The following NCK2 variants were observed in gnomAD, a reference collection of about 807,000 sequenced individuals.
The protein encoded by NCK2 is NCK adaptor protein 2.
A neutral mutation model predicts 33.9 loss-of-function variants in NCK2; 16 were observed. The observed-to-expected ratio is 0.47, with a 90% CI of 0.32 to 0.72. The LOEUF is 0.72. NCK2 is among the 30% of genes least tolerant of loss of function. The probability of loss-of-function intolerance (pLI) is 0.03; values close to 1 mark genes in which losing one functional copy is unlikely to be tolerated. For missense variants in NCK2, 418 were observed against 537.3 expected, an observed-to-expected ratio of 0.78 and a Z score of 2.19; for synonymous variants, 273 against 239.9, an observed-to-expected ratio of 1.14 and a Z score of -1.27.
At chr2:105,804,508 T>C (rs1241211874) in intron 1 of NCK2, among the ~76,000 whole-genome samples, 1 of 152,184 alleles carries the variant, frequency 6.6e-6, no homozygotes, top group Non-Finnish European at 1.5e-5. Context: ...AGCAGGAGGC[T>C]CTTTGGGGAT....
chr2:105,807,582 A>C (rs1675096799), intron 1 of NCK2, among the ~76,000 whole-genome samples: 1 of 152,076 alleles, frequency 6.6e-6, no homozygotes, highest in Admixed American at 6.5e-5. Context: ...GGTGACCATC[A>C]GTGACACCAG....
At chr2:105,852,166 G>A (rs907515065) in intron 2 of NCK2, among the ~76,000 whole-genome samples, 4 of 152,110 alleles carry the variant, frequency 2.6e-5, no homozygotes, top group Non-Finnish European at 5.9e-5. Context: ...ATTAAATAAG[G>A]CACTCAGTCT....
intron 1 of NCK2, among the ~76,000 whole-genome samples, chr2:105,751,224 G>C (rs13005191): frequency 0.25 from 37,681 of 152,024 alleles, 5,437 homozygotes; most frequent in Middle Eastern, 0.36. Flanking sequence ...CCCCATCACC[G>C]ACTCACTCGG....
At position 105,753,449 on chromosome 2, in the gene NCK2, C is replaced by G. The variant is rs897213105; in HGVS notation, c.-201+8311C>G. ...CAGCATTCCCTGGGGAGAACCGCTGCTGGAGGGAACTGCAGTGGCACTGGA... is the reference window on the plus strand; with the variant it reads ...CAGCATTCCCTGGGGAGAACCGCTGGTGGAGGGAACTGCAGTGGCACTGGA... On this transcript the variant is annotated intron_variant, in intron 1 of 4. Coordinates refer to ENST00000233154, the MANE Select transcript of NCK2 (RefSeq NM_003581.5). Among the ~76,000 whole-genome samples, 6 of 152,366 alleles carry G rather than the reference C, an allele frequency of 3.9e-5. No homozygotes were observed. The East Asian group carries it at 1.2e-3, about 29-fold the overall frequency.
At chr2:105,787,054 C>T (rs574053697) in intron 1 of NCK2, among the ~76,000 whole-genome samples, 5 of 152,338 alleles carry the variant, frequency 3.3e-5, no homozygotes, top group South Asian at 2.1e-4. Context: ...CCCTTTGCTG[C>T]GACTCCTCTG....
chr2:105,884,952 A>G (rs1267620597), intron 4 of NCK2, among the ~76,000 whole-genome samples: 1 of 152,118 alleles, frequency 6.6e-6, no homozygotes, highest in Non-Finnish European at 1.5e-5. Flanking sequence ...CAGAAATCCT[A>G]CTCACCCTGT....
chr2:105,893,728 C>T lies in NCK2; in HGVS notation c.*552C>T, dbSNP rs62148194. 10,152 of 41,482 alleles carry T rather than the reference C, an allele frequency of 0.24. 384 individuals are homozygous for T. The highest frequency in any genetic ancestry group is 0.44 in the Middle Eastern group (40 of 90). The allele number at this position is 41,482 out of a possible 1,614,324, so 2.6% of individuals were successfully genotyped here. A position where few individuals can be genotyped will look rare whatever the true frequency, so the allele number is the denominator to read the frequency against. ...ACTGCCCAGTGCCTTTGGGGCTGTG[C>T]TTGCAATAAAGAATTTCCTGGAAAG... On this transcript the variant is annotated 3_prime_UTR_variant, in exon 5 of 5. Coordinates refer to ENST00000233154, the MANE Select transcript of NCK2 (RefSeq NM_003581.5).
At chr2:105,774,672 C>T (rs911519124) in intron 1 of NCK2, among the ~76,000 whole-genome samples, 2 of 151,956 alleles carry the variant, frequency 1.3e-5, no homozygotes, top group East Asian at 1.9e-4. Flanking sequence ...CTCTGTGGTG[C>T]GGTAGGGAGA....
intron 2 of NCK2, among the ~76,000 whole-genome samples, chr2:105,817,352 C>T (rs1675533444): frequency 6.6e-6 from 1 of 152,268 alleles, no homozygotes; most frequent in East Asian, 1.9e-4. Flanking sequence ...CAGACAAAAA[C>T]ATGTCACTGT....
chr2:105,867,229 G>A (rs1168379781), intron 3 of NCK2, among the ~76,000 whole-genome samples: 1 of 152,154 alleles, frequency 6.6e-6, no homozygotes, highest in Admixed American at 6.5e-5. Flanking sequence ...GACTCTGTGG[G>A]TTTTCAGAGA....
intron 1 of NCK2, among the ~76,000 whole-genome samples, chr2:105,750,071 A>G (rs933330294): frequency 1.5e-4 from 10 of 65,908 alleles, no homozygotes; most frequent in Non-Finnish European, 3.7e-4. Context: ...CACACACAAA[A>G]CAACAACAAC....
chr2:105,830,670 G>GGGGT (rs377563718), intron 2 of NCK2, among the ~76,000 whole-genome samples: 219 of 99,054 alleles, frequency 2.2e-3, no homozygotes, highest in Non-Finnish European at 3.0e-3. Context: ...CCAGGAATTT[G>GGGGT]GTGTGTGTGT....
At chr2:105,774,794 G>A (rs1044700338) in intron 1 of NCK2, among the ~76,000 whole-genome samples, 2 of 152,136 alleles carry the variant, frequency 1.3e-5, no homozygotes, top group African/African-American at 4.8e-5. Flanking sequence ...ATTGGACACT[G>A]AGTACTGGGT....
chr2:105,842,397 C>T (rs1456390873), intron 2 of NCK2, among the ~76,000 whole-genome samples: 1 of 151,996 alleles, frequency 6.6e-6, no homozygotes, highest in Non-Finnish European at 1.5e-5. Flanking sequence ...GTTTTTTTCT[C>T]ATAAAAAGTG....
At chr2:105,862,656 G>A (rs969817912) in intron 3 of NCK2, among the ~76,000 whole-genome samples, 1 of 152,194 alleles carries the variant, frequency 6.6e-6, no homozygotes, top group Non-Finnish European at 1.5e-5. Flanking sequence ...GGGTTCAAGG[G>A]TGAGGTGATA....
At chr2:105,780,092 G>A (rs916043453) in intron 1 of NCK2, among the ~76,000 whole-genome samples, 2 of 152,032 alleles carry the variant, frequency 1.3e-5, no homozygotes, top group African/African-American at 4.8e-5. Context: ...TTTTAACTGA[G>A]CATATTTTGG....
intron 4 of NCK2, among the ~76,000 whole-genome samples, chr2:105,887,469 C>G (rs1257341325): frequency 6.6e-6 from 1 of 152,134 alleles, no homozygotes; most frequent in Non-Finnish European, 1.5e-5. Flanking sequence ...GAGATCAGTC[C>G]AGGGTCTGTG....
intron 2 of NCK2, among the ~76,000 whole-genome samples, chr2:105,838,347 A>G (rs1201865460): frequency 6.6e-6 from 1 of 151,506 alleles, no homozygotes; most frequent in Non-Finnish European, 1.5e-5. Context: ...GTCTTAGACA[A>G]TTGCCTTCTC....
intron 1 of NCK2, among the ~76,000 whole-genome samples, chr2:105,809,921 G>C (rs67594123): frequency 0.23 from 34,729 of 152,116 alleles, 6,401 homozygotes; most frequent in African/African-American, 0.49. Flanking sequence ...CAACACTGAG[G>C]GGGAGAGGGC....
Sources: allele counts gnomAD v4.1 joint callset (sites outside exome capture counted in the v4.1 genomes callset), GRCh38; gene constraint gnomAD v4.1.1; transcripts MANE v1.5; gene names NCBI Gene and HGNC (gene_info 2026-07-23, HGNC 2026-07-21).